Variants in PAXIP1 observed in about 807,000 individuals in gnomAD.
The protein encoded by PAXIP1 is PAX interacting protein 1.
Under a neutral mutation model 140.6 loss-of-function variants are expected in PAXIP1, and 19 were observed. The ratio of observed to expected loss-of-function variants is 0.14; its 90% CI spans 0.09 to 0.20. PAXIP1 has a LOEUF of 0.20. Ranked by LOEUF, PAXIP1 falls within the 10% of genes least tolerant of loss-of-function variation. The pLI is 1.00. For synonymous variants in PAXIP1, 442 were observed against 444.6 expected, an observed-to-expected ratio of 0.99 and a Z score of 0.07; for missense variants, 920 against 1,208.6, an observed-to-expected ratio of 0.76 and a Z score of 3.54.
In PAXIP1 at chr7:154,969,013, T is replaced by C; in HGVS notation, c.1188A>G (p.Pro396=). 6.4e-7 allele frequency: 1 copy of C among 1,550,754 alleles called. No homozygotes were observed. The highest frequency in any genetic ancestry group is 8.7e-7 in the Non-Finnish European group (1 of 1,146,594). ...AVLFSQVKVT[P]ETHMLQQQQQ... is the part of the protein sequence containing the mutation. ...GCTGCTGCTGTAGCATGTGTGTCTC[T>C]GGAGTCACTTTCACTTGGCTAAACA... Residue 396 remains proline, a synonymous_variant, in exon 7 of 21, where the codon CCA becomes CCG. Coordinates refer to ENST00000404141, the MANE Select transcript of PAXIP1 (RefSeq NM_007349.4).
intron 8 of PAXIP1, among the ~76,000 whole-genome samples, chr7:154,966,897 C>G (rs982794960): frequency 5.9e-5 from 9 of 152,230 alleles, no homozygotes; most frequent in African/African-American, 2.2e-4. Flanking sequence ...CTGAGGCACC[C>G]TCCTTTGCAC....
chr7:154,953,554 G>A (rs1198275750), intron 16 of PAXIP1, among the ~76,000 whole-genome samples: 1 of 152,124 alleles, frequency 6.6e-6, no homozygotes, highest in East Asian at 1.9e-4. Context: ...GCTGAGAGGT[G>A]CCTGACCTAG....
intron 16 of PAXIP1, among the ~76,000 whole-genome samples, chr7:154,953,286 C>T (rs1275716380): frequency 1.3e-5 from 2 of 152,032 alleles, no homozygotes; most frequent in African/African-American, 2.4e-5. Flanking sequence ...TGAGAAAGTG[C>T]GAGAACACGT....
chr7:154,961,929 A>T (rs1808772033), intron 10 of PAXIP1, among the ~76,000 whole-genome samples: 1 of 152,242 alleles, frequency 6.6e-6, no homozygotes, highest in African/African-American at 2.4e-5. Flanking sequence ...CAGTTATGTT[A>T]TAAAGCACGT....
chr7:154,957,924 GC>G (rs1402838233), intron 13 of PAXIP1, among the ~76,000 whole-genome samples: 7 of 136,336 alleles, frequency 5.1e-5, no homozygotes, highest in Non-Finnish European at 1.5e-5. Context: ...CCGAGATTGC[GC>G]CACTGCAGTC....
chr7:154,968,824 A>G lies in PAXIP1; in HGVS notation c.1377T>C (p.His459=). ...SQQQQQQQQA[H]PHQFSQQQLQ... ...GCTGTTGCTGTGAAAACTGATGCGG[A>G]TGGGCTTGCTGCTGCTGCTGCTGTT... Residue 459 remains histidine, a synonymous_variant, in exon 7 of 21, where the codon CAT becomes CAC. Coordinates refer to ENST00000404141, the MANE Select transcript of PAXIP1 (RefSeq NM_007349.4). The G allele has an allele frequency of 1.4e-6, 1 of 735,234 alleles. No homozygotes were observed. Among genetic ancestry groups the G allele is most frequent in the Non-Finnish European group, 2.5e-6 (1 of 402,784 alleles). 45.5% of individuals were successfully genotyped at this position (735,234 alleles called of 1,614,324 possible).
intron 5 of PAXIP1, among the ~76,000 whole-genome samples, chr7:154,977,321 T>G (rs911140487): frequency 6.6e-6 from 1 of 152,196 alleles, no homozygotes; most frequent in African/African-American, 2.4e-5. Flanking sequence ...GCTTAACACA[T>G]AACAGCAATT....
In PAXIP1 at chr7:154,990,991, T is replaced by A. The variant is rs899366254; in HGVS notation, c.324+15A>T. ...CACATATAAATAACTCAAGACTAAC[T>A]GTAACCATGCTTACCTGAGAAAGGC... On this transcript the variant is annotated intron_variant, in intron 4 of 20. Transcript: ENST00000404141. The A allele has an allele frequency of 7.9e-6, 12 of 1,513,400 alleles. No individual in the cohort carries two copies. The African/African-American group carries it at 1.4e-4, about 18-fold the overall frequency. The allele number at this position is 1,513,400 out of a possible 1,614,324, so 93.7% of individuals were successfully genotyped here.
intron 3 of PAXIP1, among the ~76,000 whole-genome samples, chr7:154,991,727 C>G (rs767778744): frequency 9.9e-5 from 15 of 152,218 alleles, no homozygotes; most frequent in Non-Finnish European, 1.5e-4. Context: ...TAACAAGACA[C>G]AAGGCAGTCA....
Position 154,999,031 on chromosome 7 carries a change from T to C in PAXIP1, c.82-247A>G, listed in dbSNP as rs1211351638. ...GTAATGGAGGCTATTGTGAGTCCAG[T>C]AGTGGACATGGTCTGTCCTCAAGAC... On this transcript the variant is annotated intron_variant, in intron 1 of 20. Coordinates refer to ENST00000404141, the MANE Select transcript of PAXIP1 (RefSeq NM_007349.4). 5.3e-5 allele frequency among the ~76,000 whole-genome samples: 8 copies of C among 152,352 alleles called. No homozygotes were observed. In the East Asian group the frequency reaches 5.8e-4, roughly 11 times the overall value.
intron 2 of PAXIP1, among the ~76,000 whole-genome samples, chr7:154,997,373 C>T (rs1810684662): frequency 6.6e-6 from 1 of 152,218 alleles, no homozygotes; most frequent in African/African-American, 2.4e-5. Flanking sequence ...CCACCTCAGC[C>T]TCCTAAGTAG....
In PAXIP1 at chr7:154,960,984, C is replaced by T. The variant is rs1218269563; in HGVS notation, c.2343G>A (p.Glu781=). 1.2e-6 allele frequency: 2 copies of T among 1,602,906 alleles called. No homozygotes were observed. The change falls in exon 12 of 21, where the codon GAG becomes GAA. Residue 781 remains glutamate (E), a synonymous_variant. Coordinates refer to ENST00000404141, the MANE Select transcript of PAXIP1 (RefSeq NM_007349.4). ...WLGDILLGNF[E]ALRQIQYSRY... ...GACTATACTGAATCTGCCTCAGTGC[C>T]TCAAAGTTTCCCAGAAGAATGTCGC...
intron 10 of PAXIP1, 108 bp downstream of exon 10, chr7:154,962,213 G>A: frequency 8.5e-7 from 1 of 1,178,308 alleles, no homozygotes; most frequent in Non-Finnish European, 1.2e-6. Context: ...ACATAGAGAA[G>A]CTCTGACTCA....
chr7:154,957,695 C>T (rs550344762), intron 13 of PAXIP1, among the ~76,000 whole-genome samples: 3 of 152,190 alleles, frequency 2.0e-5, no homozygotes, highest in Non-Finnish European at 2.9e-5. Context: ...TGGCCGGGCG[C>T]GGTGGCTCAC....
chr7:155,003,258 G>T (rs1029415018), upstream of PAXIP1, among the ~76,000 whole-genome samples: 9 of 144,718 alleles, frequency 6.2e-5, no homozygotes, highest in Non-Finnish European at 1.2e-4. Context: ...AGCTGGCGCC[G>T]GCAGCCCGCT....
Position 154,973,545 on chromosome 7 carries a change from G to A in PAXIP1, c.1074+2151C>T, listed in dbSNP as rs750288198. 2.6e-5 allele frequency among the ~76,000 whole-genome samples: 4 copies of A among 152,060 alleles called. No homozygotes were observed. Among genetic ancestry groups the A allele is most frequent in the Non-Finnish European group, 4.4e-5 (3 of 68,020 alleles). On this transcript the variant is annotated intron_variant, in intron 6 of 20. Coordinates refer to ENST00000404141, the MANE Select transcript of PAXIP1 (RefSeq NM_007349.4). This position sits in a 1 kb window ranked among gnomAD's most constrained non-coding sequence, Gnocchi z 4.0. ...AACTGTCTGCTGTCTAACATCTAAAGGGCATGTTTGCCTCTATCTTACTCT... is the reference window on the plus strand; with the variant it reads ...AACTGTCTGCTGTCTAACATCTAAAAGGCATGTTTGCCTCTATCTTACTCT...
At position 155,002,910 on chromosome 7, in the gene PAXIP1, T is replaced by G; in HGVS notation, c.20A>C (p.Lys7Thr). The G allele has an allele frequency of 1.5e-6, 2 of 1,371,912 alleles. No homozygotes were observed. The highest frequency in any genetic ancestry group is 1.9e-6 in the Non-Finnish European group (2 of 1,038,580). The allele number at this position is 1,371,912 out of a possible 1,614,324, so 85.0% of individuals were successfully genotyped here. Residue 7 changes from lysine to threonine, a missense_variant, in exon 1 of 21, where the codon AAA becomes ACA. Lys to Thr is a moderately conservative substitution (Grantham distance 78, BLOSUM62 -1). Coordinates refer to ENST00000404141, the MANE Select transcript of PAXIP1 (RefSeq NM_007349.4). ...CTCCCTGAACATCTCCTCAGGAACT[T>G]TGGGCGCCTGGTCCGACATGATCGC... MSDQAPKVPEEMFREVK... is the reference protein window; with the variant it reads MSDQAPTVPEEMFREVK...
At chr7:154,959,954 T>A in intron 12 of PAXIP1, 21 bp from the exon 13 acceptor site, 1 of 1,539,652 alleles carries the variant, frequency 6.5e-7, no homozygotes, top group South Asian at 1.1e-5. Context: ...AAACACATTA[T>A]TTTTTATGAT....
At chr7:154,984,126 T>A (rs957058904) in intron 4 of PAXIP1, among the ~76,000 whole-genome samples, 1 of 152,154 alleles carries the variant, frequency 6.6e-6, no homozygotes. Flanking sequence ...ACCTAATAAT[T>A]GGAAAAGCTG....
Sources: allele counts gnomAD v4.1 joint callset (sites outside exome capture counted in the v4.1 genomes callset), GRCh38; gene constraint gnomAD v4.1.1; non-coding constraint Gnocchi (gnomAD v3.1); transcripts MANE v1.5; gene names NCBI Gene and HGNC (gene_info 2026-07-23, HGNC 2026-07-21).